The following EPC1 variants were observed in gnomAD, a reference collection of about 807,000 sequenced individuals.
EPC1 encodes the protein enhancer of polycomb homolog 1.
In EPC1, 12 loss-of-function variants were observed where a neutral mutation model predicts 98.4. That is an observed-to-expected ratio of 0.12 (90% CI 0.08 to 0.20). The LOEUF (loss-of-function observed/expected upper bound fraction) is 0.20. Among genes scored for constraint, EPC1 ranks in the 10% least tolerant of loss-of-function variants. EPC1 has a pLI of 1.00. For synonymous variants in EPC1, 357 were observed against 363.9 expected, an observed-to-expected ratio of 0.98 and a Z score of 0.21; for missense variants, 729 against 990.5, an observed-to-expected ratio of 0.74 and a Z score of 3.54.
At chr10:32,336,320 G>A (rs893923032) in intron 1 of EPC1, among the ~76,000 whole-genome samples, 2 of 151,774 alleles carry the variant, frequency 1.3e-5, no homozygotes, top group Non-Finnish European at 2.9e-5. Flanking sequence ...CACCTGCCTC[G>A]GCTTCTCAAA....
chr10:32,306,045 A>G, intron 1 of EPC1, 114 bp from the exon 2 acceptor site: 1 of 883,178 alleles, frequency 1.1e-6, no homozygotes. Context: ...AGATTCTAGT[A>G]GTAGATCTTA....
intron 1 of EPC1, among the ~76,000 whole-genome samples, chr10:32,334,890 C>T (rs2490508): frequency 0.8 from 122,359 of 152,088 alleles, 50,158 homozygotes; most frequent in East Asian, 0.96. Flanking sequence ...GAGAATGATA[C>T]AGCCCTTGTT....
chr10:32,337,920 C>T (rs1838075262), intron 1 of EPC1, among the ~76,000 whole-genome samples: 1 of 152,170 alleles, frequency 6.6e-6, no homozygotes, highest in South Asian at 2.1e-4. Flanking sequence ...TAACCAATGT[C>T]CTTCCTTCTT....
At chr10:32,327,014 AAAAATC>A (rs769535779) in intron 1 of EPC1, among the ~76,000 whole-genome samples, 1 of 141,650 alleles carries the variant, frequency 7.1e-6, no homozygotes, top group Non-Finnish European at 1.5e-5. Flanking sequence ...AAAAAAAAAA[AAAAATC>A]AATGTAAATT....
In EPC1 at chr10:32,346,368, G is replaced by A. The variant is rs1001152261; in HGVS notation, c.153+395C>T. The A allele has an allele frequency of 3.4e-5, 6 of 176,426 alleles. No individual in the cohort carries two copies. In the Admixed American group the frequency reaches 3.6e-4, roughly 11 times the overall value. 10.9% of individuals were successfully genotyped at this position (176,426 alleles called of 1,614,324 possible). Reference sequence around the variant, plus strand: ...CAGCGGCCCACGGAGAGGCCTGTAGGCGGGTCCTCCACGGCTCCCGACTCG... The same window carrying A: ...CAGCGGCCCACGGAGAGGCCTGTAGACGGGTCCTCCACGGCTCCCGACTCG... On this transcript the variant is annotated intron_variant, in intron 1 of 13. Coordinates refer to ENST00000319778, the MANE Select transcript of EPC1 (RefSeq NM_001272004.3).
At position 32,279,063 on chromosome 10, in the gene EPC1, T is replaced by A. The variant is rs950488527; in HGVS notation, c.1744+5635A>T. Among the ~76,000 whole-genome samples, 5 of 152,110 alleles carry A rather than the reference T, an allele frequency of 3.3e-5. No individual in the cohort carries two copies. The South Asian group carries it at 1.0e-3, about 32-fold the overall frequency. ...AATCCACCTTCTATAGTAAAAAAAA[T>A]TCTGAGGCTGGGCGCAGTGGCTCAC... On this transcript the variant is annotated intron_variant, in intron 10 of 13. Coordinates refer to ENST00000319778, the MANE Select transcript of EPC1 (RefSeq NM_001272004.3).
intron 1 of EPC1, among the ~76,000 whole-genome samples, chr10:32,364,503 A>G (rs1430022832): frequency 6.6e-6 from 1 of 152,232 alleles, no homozygotes; most frequent in Admixed American, 6.5e-5. Context: ...GTAAGTTTCA[A>G]TCCTGGCTCT....
intron 1 of EPC1, among the ~76,000 whole-genome samples, chr10:32,366,890 C>T (rs939456593): frequency 6.6e-6 from 1 of 152,162 alleles, no homozygotes. Context: ...GTAGCCTTTG[C>T]CATGGCAAAT....
chr10:32,374,650 G>A (rs1212921807), intron 1 of EPC1, among the ~76,000 whole-genome samples: 2 of 152,076 alleles, frequency 1.3e-5, no homozygotes, highest in African/African-American at 4.8e-5. Flanking sequence ...TATTTAAACA[G>A]ATCTAAATTA....
intron 10 of EPC1, among the ~76,000 whole-genome samples, chr10:32,274,194 G>C (rs1004577918): frequency 1.6e-4 from 24 of 149,294 alleles, no homozygotes; most frequent in Middle Eastern, 3.6e-3. Flanking sequence ...TCTTTAAGAA[G>C]CCTGTGATGT....
chr10:32,329,799 C>A (rs1054887322), intron 1 of EPC1, among the ~76,000 whole-genome samples: 3 of 152,110 alleles, frequency 2.0e-5, no homozygotes, highest in Non-Finnish European at 4.4e-5. Flanking sequence ...GAGACTATAA[C>A]CAAATAACTA....
intron 1 of EPC1, 89 bp downstream of exon 1, chr10:32,346,674 A>G: frequency 3.8e-6 from 5 of 1,301,086 alleles, no homozygotes; most frequent in Non-Finnish European, 5.4e-6. Flanking sequence ...GATGGCGGCC[A>G]TTTTGTGTGG....
At chr10:32,287,330 AG>A in intron 6 of EPC1, 56 bp from the exon 7 acceptor site, 1 of 1,582,092 alleles carries the variant, frequency 6.3e-7, no homozygotes, top group Non-Finnish European at 8.6e-7. Flanking sequence ...ACAAATTTGC[AG>A]TTTTGGGGGA....
Position 32,292,595 on chromosome 10 carries a change from C to T in EPC1, c.716G>A (p.Arg239Gln). Reference protein sequence around the residue: ...ASYEKMLKLRRDLSRAVTILE... With the variant: ...ASYEKMLKLRQDLSRAVTILE... ...AATAGTAACAGCTCGACTTAGATCT[C>T]GTCGCAGCTTAAGCATTTTTTCGTA... is the stretch of plus-strand genomic sequence containing the variant. Residue 239 changes from arginine to glutamine, a missense_variant, in exon 5 of 14, where the codon CGA (arginine) becomes CAA (glutamine). This residue lies in a region of EPC1 where 39 missense variants were observed against 94.9 expected (regional missense o/e 0.41). Transcript: ENST00000319778. 6.2e-7 allele frequency: 1 copy of T among 1,605,382 alleles called. No individual in the cohort carries two copies. Among genetic ancestry groups the T allele is most frequent in the Non-Finnish European group, 8.5e-7 (1 of 1,177,878 alleles).
At chr10:32,318,248 T>C (rs913667516) in intron 1 of EPC1, among the ~76,000 whole-genome samples, 4 of 152,228 alleles carry the variant, frequency 2.6e-5, no homozygotes, top group South Asian at 2.1e-4. Context: ...TTTATGCTGA[T>C]GATTTCTATG....
intron 1 of EPC1, among the ~76,000 whole-genome samples, chr10:32,355,607 C>CTTTTTTTTTTTTTTTTTTTTTTTT (rs542748610): frequency 1.4e-5 from 1 of 72,848 alleles, no homozygotes; most frequent in Non-Finnish European, 2.7e-5. Flanking sequence ...GTGCCTTACC[C>CTTTTTTTTTTTTTTTTTTTTTTTT]TTTTTTTTTT....
chr10:32,332,101 G>A (rs781133262), intron 1 of EPC1, among the ~76,000 whole-genome samples: 3 of 152,142 alleles, frequency 2.0e-5, no homozygotes, highest in South Asian at 2.1e-4. Context: ...GCAATATTAC[G>A]CCTTTAAGAT....
chr10:32,299,725 T>TA (rs1297853223), intron 2 of EPC1, among the ~76,000 whole-genome samples: 2 of 152,160 alleles, frequency 1.3e-5, no homozygotes, highest in African/African-American at 4.8e-5. Flanking sequence ...CTGTTCCTCA[T>TA]AAGTAATGAC....
At chr10:32,356,167 C>T (rs1218409421) in intron 1 of EPC1, among the ~76,000 whole-genome samples, 3 of 152,164 alleles carry the variant, frequency 2.0e-5, no homozygotes, top group African/African-American at 7.2e-5. Flanking sequence ...GCTTTTATAA[C>T]ACGAGGAAGG....
Sources: gnomAD v4.1 joint callset for allele counts (sites outside exome capture counted in the v4.1 genomes callset) on GRCh38, gnomAD v4.1.1 for gene constraint, gnomAD v4.1.1 regional missense constraint, MANE v1.5 for transcripts, NCBI Gene and HGNC (gene_info 2026-07-23, HGNC 2026-07-21) for gene names.